PLAGL1: variants seen among roughly 807,000 people sequenced by gnomAD.
The protein encoded by PLAGL1 is PLAG1 like zinc finger 1.
A neutral mutation model predicts 4.6 loss-of-function variants in PLAGL1; 1 was observed. The ratio of observed to expected loss-of-function variants is 0.22; its 90% confidence interval spans 0.08 to 1.03. The LOEUF (loss-of-function observed/expected upper bound fraction) is 1.03. Ranked by LOEUF, PLAGL1 falls within the 50% of genes least tolerant of loss-of-function variation. The probability of loss-of-function intolerance (pLI) is 0.58; values close to 1 mark genes in which losing one functional copy is unlikely to be tolerated. For missense variants in PLAGL1, 464 were observed against 570.4 expected (o/e 0.81, Z 1.90); for synonymous variants, 240 against 237.8 (o/e 1.01, Z -0.08).
rs1443741664 is a variant in PLAGL1, at chr6:143,997,362, C to A, written c.-584+10728G>T. On this transcript the variant is annotated intron_variant, in intron 1 of 7. Coordinates refer to ENST00000674357, the MANE Select transcript of PLAGL1 (RefSeq NM_001317162.2). This position sits in a 1 kb window ranked among gnomAD's most constrained non-coding sequence, Gnocchi z 4.6. Reference sequence around the variant, plus strand: ...TTCACAGCAGGTCTATTTGTAAGAACCCAAACTAGAACACACCCACATAGC... The same window carrying A: ...TTCACAGCAGGTCTATTTGTAAGAAACCAAACTAGAACACACCCACATAGC... 2.0e-5 allele frequency among the ~76,000 whole-genome samples: 3 copies of A among 152,070 alleles called. No homozygotes were observed. The East Asian group carries it at 5.8e-4, about 29-fold the overall frequency.
In PLAGL1 at chr6:143,965,859, C is replaced by A. The variant is rs960162756; in HGVS notation, c.-431+299G>T. ...ATGGGCAAATACCTACAGGAGGCTACTTTCCAATCTGTGGTGCCCAGAAAC... is the reference window on the plus strand; with the variant it reads ...ATGGGCAAATACCTACAGGAGGCTAATTTCCAATCTGTGGTGCCCAGAAAC... On this transcript the variant is annotated intron_variant, in intron 4 of 7. Transcript: ENST00000674357. The surrounding 1 kb of genome is among the most constrained non-coding windows in gnomAD (Gnocchi z 7.5). 2.0e-5 allele frequency: 3 copies of A among 152,220 alleles called. No individual in the cohort carries two copies. Among genetic ancestry groups the A allele is most frequent in the African/African-American group, 7.2e-5 (3 of 41,442 alleles). The allele number at this position is 152,220 out of a possible 1,614,324, so 9.4% of individuals were successfully genotyped here. A position where few individuals can be genotyped will look rare whatever the true frequency, so the allele number is the denominator to read the frequency against.
At chr6:144,057,929 C>T (rs895326379) in intron 1 of PLAGL1, among the ~76,000 whole-genome samples, 1 of 152,122 alleles carries the variant, frequency 6.6e-6, no homozygotes, top group Non-Finnish European at 1.5e-5. Flanking sequence ...CAAGATTAGG[C>T]TGAGCCAATG....
chr6:143,957,101 G>A lies in PLAGL1; in HGVS notation c.-325+3368C>T, dbSNP rs1782316527. On this transcript the variant is annotated intron_variant, in intron 6 of 7. Transcript: ENST00000674357. This position sits in a 1 kb window ranked among gnomAD's most constrained non-coding sequence, Gnocchi z 4.2. ...TTGCAGACTCTTGGATCTTTGACAG[G>A]CCTCCTCACCTCTCCCCACCATATG... Among the ~76,000 whole-genome samples the A allele has an allele frequency of 6.6e-6, 1 of 152,212 alleles. No individual in the cohort carries two copies. The highest frequency in any genetic ancestry group is 1.5e-5 in the Non-Finnish European group (1 of 68,036).
intron 1 of PLAGL1, among the ~76,000 whole-genome samples, chr6:144,003,949 T>G (rs1368118288): frequency 6.6e-6 from 1 of 152,222 alleles, no homozygotes; most frequent in Non-Finnish European, 1.5e-5. Flanking sequence ...AGAACATTCC[T>G]CACAATTCAA....
rs1781406434 is a variant in PLAGL1, at chr6:143,953,094, G to A, written c.-324-4634C>T. ...GCTTTCTCCCTCCTGGAATGTCCTG[G>A]GAACCCTTGTCTACCTGGCAAACTT... On this transcript the variant is annotated intron_variant, in intron 6 of 7. Transcript: ENST00000674357. This position sits in a 1 kb window ranked among gnomAD's most constrained non-coding sequence, Gnocchi z 5.3. 6.6e-6 allele frequency among the ~76,000 whole-genome samples: 1 copy of A among 152,140 alleles called. No individual in the cohort carries two copies. Among genetic ancestry groups the A allele is most frequent in the South Asian group, 2.1e-4 (1 of 4,824 alleles).
intron 1 of PLAGL1, among the ~76,000 whole-genome samples, chr6:144,018,790 G>GAC (rs1795750243): frequency 6.6e-6 from 1 of 152,164 alleles, no homozygotes; most frequent in Non-Finnish European, 1.5e-5. Context: ...TACTGATCAA[G>GAC]ACACATCACA....
rs796543841 is a variant in PLAGL1, at chr6:144,002,483, A to AT, written c.-584+5606dup. ...AGAATTGTAAAGGCATATTTAAACC[A>AT]TTTTTTTTCCAGATGGCATGACAGC... On this transcript the variant is annotated intron_variant, in intron 1 of 7. Coordinates refer to ENST00000674357, the MANE Select transcript of PLAGL1 (RefSeq NM_001317162.2). Among the ~76,000 whole-genome samples the AT allele has an allele frequency of 1.7e-3, 265 of 152,090 alleles. 1 individual carries two copies. Among genetic ancestry groups the AT allele is most frequent in the African/African-American group, 5.8e-3 (241 of 41,526 alleles).
rs1197686672 is a variant in PLAGL1 at position 144,027,005 on chromosome 6, A to G, written c.-151+37463T>C. 6.6e-6 allele frequency among the ~76,000 whole-genome samples: 1 copy of G among 152,050 alleles called. No individual in the cohort carries two copies. Among genetic ancestry groups the G allele is most frequent in the Non-Finnish European group, 1.5e-5 (1 of 68,016 alleles). On this transcript the variant is annotated intron_variant, in intron 1 of 3. Transcript: ENST00000437412. This position sits in a 1 kb window ranked among gnomAD's most constrained non-coding sequence, Gnocchi z 5.8. ...GGCAGGAGGATCACTTGAGTCCAGG[A>G]GTTCAAGACCAGTGTGGGTAAAAAA...
At chr6:143,974,339 A>C (rs1034580961) in intron 2 of PLAGL1, among the ~76,000 whole-genome samples, 4 of 151,966 alleles carry the variant, frequency 2.6e-5, no homozygotes, top group Admixed American at 2.6e-4. Flanking sequence ...TCGGTGAGGC[A>C]GAACACAACC....
At chr6:144,020,858 C>T (rs1299781702) in intron 1 of PLAGL1, among the ~76,000 whole-genome samples, 2 of 142,998 alleles carry the variant, frequency 1.4e-5, no homozygotes, top group East Asian at 4.0e-4. Flanking sequence ...AATATAATTA[C>T]TATAATATAA....
At chr6:143,980,667 T>C (rs1583395916) in intron 2 of PLAGL1, among the ~76,000 whole-genome samples, 1 of 152,352 alleles carries the variant, frequency 6.6e-6, no homozygotes, top group South Asian at 2.1e-4. Flanking sequence ...ACTTATTAGA[T>C]GTGTGTCACT....
chr6:144,054,518 C>T (rs6901529), intron 1 of PLAGL1, among the ~76,000 whole-genome samples: 99,975 of 152,098 alleles, frequency 0.66, 34,862 homozygotes, highest in African/African-American at 0.9. Context: ...AAAAACTGCA[C>T]GTTCTCACTT....
chr6:143,956,778 T>C (rs1310864721), intron 6 of PLAGL1, among the ~76,000 whole-genome samples: 2 of 152,122 alleles, frequency 1.3e-5, no homozygotes, highest in African/African-American at 2.4e-5. Flanking sequence ...AGAGAAGCTA[T>C]GGAAAAGGCA....
At position 143,940,879 on chromosome 6, in the gene PLAGL1, A is replaced by G. The variant is rs1778431150; in HGVS notation, c.*545T>C. The G allele has an allele frequency of 6.5e-6, 1 of 152,684 alleles. No individual in the cohort carries two copies. Among genetic ancestry groups the G allele is most frequent in the Non-Finnish European group, 1.5e-5 (1 of 68,046 alleles). 9.5% of individuals were successfully genotyped at this position (152,684 alleles called of 1,614,324 possible). ...GTAAAATGGAGAACTCTATTGCTCC[A>G]CAAGAAAATGTATATGTAAAACTAC... is the stretch of plus-strand genomic sequence containing the variant. On this transcript the variant is annotated 3_prime_UTR_variant, in exon 8 of 8. Coordinates refer to ENST00000674357, the MANE Select transcript of PLAGL1 (RefSeq NM_001317162.2).
chr6:144,026,130 A>G (rs1796323976), intron 1 of PLAGL1, among the ~76,000 whole-genome samples: 1 of 152,226 alleles, frequency 6.6e-6, no homozygotes, highest in Admixed American at 6.5e-5. Context: ...AAGAATAAAA[A>G]GTATTAGAAT....
In PLAGL1 at chr6:143,955,056, G is replaced by T. The variant is rs1781831903; in HGVS notation, c.-325+5413C>A. ...AGATGTGTTTCCTCAGGAATGAATG[G>T]ACAGAATACAATTACATTGCTCTAT... On this transcript the variant is annotated intron_variant, in intron 6 of 7. Coordinates refer to ENST00000674357, the MANE Select transcript of PLAGL1 (RefSeq NM_001317162.2). The surrounding 1 kb of genome is among the most constrained non-coding windows in gnomAD (Gnocchi z 4.9). Among the ~76,000 whole-genome samples, 2 of 152,186 alleles carry T rather than the reference G, an allele frequency of 1.3e-5. No individual in the cohort carries two copies. The highest frequency in any genetic ancestry group is 2.9e-5 in the Non-Finnish European group (2 of 68,036).
chr6:144,018,072 T>A (rs7752303), intron 1 of PLAGL1, among the ~76,000 whole-genome samples: 46,904 of 151,998 alleles, frequency 0.31, 7,277 homozygotes, highest in Middle Eastern at 0.37. Context: ...GGAATAATTT[T>A]AAAAAGTTAC....
At chr6:143,967,550 G>C (rs540187175) in intron 3 of PLAGL1, 1 of 152,268 alleles carries the variant, frequency 6.6e-6, no homozygotes, top group Admixed American at 6.5e-5. Context: ...TTCTTAAGCA[G>C]TGTAATCCTA....
In PLAGL1 at chr6:144,064,548, C is replaced by G. The variant is rs1799688595; in HGVS notation, c.-231G>C. ...CTGGGTCAGCTCCGGCCGGCGGGTC[C>G]GGGCGGCCGCTGGGCGTGCGGCGCA... is the stretch of plus-strand genomic sequence containing the variant. On this transcript the variant is annotated 5_prime_UTR_variant, in exon 1 of 4. Coordinates refer to the PLAGL1 transcript ENST00000437412. This position sits in a 1 kb window ranked among gnomAD's most constrained non-coding sequence, Gnocchi z 6.8. 1 of 152,242 alleles carries G rather than the reference C, an allele frequency of 6.6e-6. No individual in the cohort carries two copies. Among genetic ancestry groups the G allele is most frequent in the Non-Finnish European group, 1.5e-5 (1 of 68,080 alleles). 9.4% of individuals were successfully genotyped at this position (152,242 alleles called of 1,614,324 possible).
Sources: allele counts gnomAD v4.1 joint callset (sites outside exome capture counted in the v4.1 genomes callset), GRCh38; gene constraint gnomAD v4.1.1; non-coding constraint Gnocchi (gnomAD v3.1); transcripts MANE v1.5; gene names NCBI Gene and HGNC (gene_info 2026-07-23, HGNC 2026-07-21).